Variants in FRMD4A observed in about 807,000 individuals in gnomAD.
FRMD4A encodes the protein FERM domain containing 4A, also known as FERM domain-containing protein 4A.
A neutral mutation model predicts 129.1 loss-of-function variants in FRMD4A; 29 were observed. The observed-to-expected ratio is 0.22, with a 90% CI of 0.17 to 0.31. The LOEUF is 0.31. Ranked by LOEUF, FRMD4A falls within the 10% of genes least tolerant of loss-of-function variation. The pLI, the probability that FRMD4A is intolerant of heterozygous loss-of-function variation, is 1.00. For synonymous variants in FRMD4A, 634 were observed against 571.6 expected, an observed-to-expected ratio of 1.11 and a Z score of -1.56; for missense variants, 1,272 against 1,375.8, an observed-to-expected ratio of 0.92 and a Z score of 1.19.
At chr10:14,228,357 A>G (rs1202617014) in intron 2 of FRMD4A, among the ~76,000 whole-genome samples, 2 of 152,226 alleles carry the variant, frequency 1.3e-5, no homozygotes, top group Non-Finnish European at 2.9e-5. Context: ...GGGACCATCC[A>G]GCTTAAGTTT....
chr10:14,153,663 C>T (rs1589087785), intron 2 of FRMD4A, among the ~76,000 whole-genome samples: 1 of 152,166 alleles, frequency 6.6e-6, no homozygotes, highest in East Asian at 1.9e-4. Context: ...GCTTAGGAGG[C>T]TTGTCTCCAT....
intron 2 of FRMD4A, among the ~76,000 whole-genome samples, chr10:14,192,365 A>G (rs949051865): frequency 2.0e-5 from 3 of 152,234 alleles, no homozygotes; most frequent in Non-Finnish European, 4.4e-5. Context: ...ACTTGTTTAG[A>G]GTAACAGCTC....
chr10:13,912,799 C>T (rs145938608), intron 2 of FRMD4A, among the ~76,000 whole-genome samples: 6 of 151,722 alleles, frequency 4.0e-5, no homozygotes, highest in African/African-American at 1.2e-4. Context: ...TTTGGCTGGG[C>T]GTGGTGGCTC....
intron 2 of FRMD4A, among the ~76,000 whole-genome samples, chr10:14,026,290 A>G (rs1346999613): frequency 1.3e-5 from 2 of 152,240 alleles, no homozygotes; most frequent in East Asian, 3.8e-4. Context: ...GAGGAGATAG[A>G]CACAGACTTA....
intron 2 of FRMD4A, among the ~76,000 whole-genome samples, chr10:14,141,281 C>T (rs1839820927): frequency 1.3e-5 from 2 of 152,152 alleles, no homozygotes. Flanking sequence ...ATCCAAGTCG[C>T]TGAGGTATTG....
At chr10:13,849,866 G>C (rs971491497) in intron 3 of FRMD4A, among the ~76,000 whole-genome samples, 5 of 151,844 alleles carry the variant, frequency 3.3e-5, no homozygotes, top group Non-Finnish European at 7.4e-5. Context: ...GTGTGCACCT[G>C]TGCATAGAGA....
At chr10:13,915,145 G>A (rs1164719715) in intron 2 of FRMD4A, among the ~76,000 whole-genome samples, 1 of 152,166 alleles carries the variant, frequency 6.6e-6, no homozygotes, top group Admixed American at 6.5e-5. Flanking sequence ...TACATTTTAA[G>A]ACAGATGTTT....
chr10:13,827,045 T>C (rs1355228202), intron 3 of FRMD4A, among the ~76,000 whole-genome samples: 2 of 152,134 alleles, frequency 1.3e-5, no homozygotes, highest in Non-Finnish European at 2.9e-5. Context: ...GAATTCAAAA[T>C]AGCACAGAAT....
chr10:13,799,043 G>C (rs1041375246), intron 4 of FRMD4A, among the ~76,000 whole-genome samples: 1 of 152,110 alleles, frequency 6.6e-6, no homozygotes, highest in Non-Finnish European at 1.5e-5. Context: ...CGGGTGGGAT[G>C]GGGGGGTCCT....
intron 12 of FRMD4A, chr10:13,707,770 G>C (rs911887864): frequency 5.4e-5 from 53 of 985,298 alleles, no homozygotes; most frequent in Non-Finnish European, 6.4e-5. Flanking sequence ...AGAAAACCAA[G>C]AGTTCTGTCG....
chr10:14,235,996 C>T (rs767468578), intron 2 of FRMD4A, among the ~76,000 whole-genome samples: 3 of 152,204 alleles, frequency 2.0e-5, no homozygotes, highest in Non-Finnish European at 4.4e-5. Context: ...AATCCTGGAG[C>T]AAGAATTTGG....
chr10:14,027,429 A>G (rs1833035708), intron 2 of FRMD4A, among the ~76,000 whole-genome samples: 1 of 152,212 alleles, frequency 6.6e-6, no homozygotes, highest in African/African-American at 2.4e-5. Context: ...CAGCCTGACC[A>G]ATATGATGAA....
chr10:14,195,791 C>T (rs1243938579), intron 2 of FRMD4A, among the ~76,000 whole-genome samples: 1 of 152,182 alleles, frequency 6.6e-6, no homozygotes. Flanking sequence ...ATCCAGTGTA[C>T]TGTGGCATCC....
At chr10:14,305,345 G>A (rs1238813679) in intron 2 of FRMD4A, among the ~76,000 whole-genome samples, 2 of 152,108 alleles carry the variant, frequency 1.3e-5, no homozygotes, top group Non-Finnish European at 2.9e-5. Context: ...GTAGCATACT[G>A]CACACATGAA....
chr10:13,907,094 C>T (rs1358076124), intron 2 of FRMD4A, among the ~76,000 whole-genome samples: 1 of 152,008 alleles, frequency 6.6e-6, no homozygotes, highest in Non-Finnish European at 1.5e-5. Flanking sequence ...GACAACACTG[C>T]CGAAAAATGA....
chr10:14,014,323 G>A lies in FRMD4A; in HGVS notation c.46-155411C>T, dbSNP rs115220525. On this transcript the variant is annotated intron_variant, in intron 2 of 24. Transcript: ENST00000357447. ...CTCGATTATTACACATTCTATGCAT[G>A]TAACAAAATATCACACGCCCCCCAT... is the stretch of plus-strand genomic sequence containing the variant. Among the ~76,000 whole-genome samples the A allele has an allele frequency of 5.3e-3, 802 of 152,314 alleles. 7 individuals are homozygous for A. The highest frequency in any genetic ancestry group is 0.018 in the African/African-American group (764 of 41,566).
At chr10:14,276,974 C>T (rs1484634484) in intron 2 of FRMD4A, among the ~76,000 whole-genome samples, 1 of 152,190 alleles carries the variant, frequency 6.6e-6, no homozygotes, top group Non-Finnish European at 1.5e-5. Flanking sequence ...AAGCAATTCT[C>T]CCACCTCAGC....
chr10:13,765,125 T>G (rs1420741842), intron 6 of FRMD4A, among the ~76,000 whole-genome samples: 1 of 149,062 alleles, frequency 6.7e-6, no homozygotes, highest in Non-Finnish European at 1.5e-5. Context: ...TTTTTTTTTT[T>G]TTTTTTGAGA....
intron 15 of FRMD4A, among the ~76,000 whole-genome samples, chr10:13,682,497 C>CTTTTT (rs1170963559): frequency 9.9e-4 from 55 of 55,798 alleles, no homozygotes; most frequent in Non-Finnish European, 1.4e-3. Context: ...TTCTTTCTTT[C>CTTTTT]TTTTTTTTTT....
Sources: gnomAD v4.1 joint callset for allele counts (sites outside exome capture counted in the v4.1 genomes callset) on GRCh38, gnomAD v4.1.1 for gene constraint, MANE v1.5 for transcripts, NCBI Gene and HGNC (gene_info 2026-07-23, HGNC 2026-07-21) for gene names.